PKHD1L1: variants seen among roughly 807,000 people sequenced by gnomAD.
The protein encoded by PKHD1L1 is PKHD1 like 1, also known as fibrocystin-L.
A neutral mutation model predicts 462.9 loss-of-function variants in PKHD1L1; 434 were observed. The observed-to-expected ratio is 0.94, with a 90% CI of 0.87 to 1.02. The LOEUF is 1.02. Among genes scored for constraint, PKHD1L1 ranks in the 50% least tolerant of loss-of-function variants. The pLI is 0.00. For missense variants in PKHD1L1, 5,202 were observed against 5,096.1 expected (o/e 1.02, Z -0.63); for synonymous variants, 1,781 against 1,750.0 (o/e 1.02, Z -0.44).
At position 109,470,504 on chromosome 8, in the gene PKHD1L1, G is replaced by A. The variant is rs897730971; in HGVS notation, c.8605+3735G>A. 4.0e-5 allele frequency: 65 copies of A among 1,610,566 alleles called. No homozygotes were observed. In the Admixed American group the frequency reaches 1.1e-3, roughly 26 times the overall value. ...GAGGAAGCATCACAGCAACTGGCTG[G>A]AAAAGAAAGGGAAAAGAAGCAGGGA... On this transcript the variant is annotated intron_variant, in intron 50 of 77. Coordinates refer to ENST00000378402, the MANE Select transcript of PKHD1L1 (RefSeq NM_177531.6).
At chr8:109,397,288 T>G (rs371371027) in intron 11 of PKHD1L1, among the ~76,000 whole-genome samples, 1 of 152,336 alleles carries the variant, frequency 6.6e-6, no homozygotes, top group East Asian at 1.9e-4. Flanking sequence ...TATGTGTCTT[T>G]CCTTTGCTTC....
chr8:109,427,932 G>A (rs1032542918), intron 25 of PKHD1L1, among the ~76,000 whole-genome samples: 1 of 147,138 alleles, frequency 6.8e-6, no homozygotes, highest in East Asian at 2.0e-4. Flanking sequence ...CAGGAGAATC[G>A]CTTGAACCTG....
At chr8:109,420,812 T>A (rs1264192251) in intron 23 of PKHD1L1, 122 bp downstream of exon 23, 1 of 751,362 alleles carries the variant, frequency 1.3e-6, no homozygotes, top group Non-Finnish European at 1.9e-6. Context: ...TAAGGTTATA[T>A]GAAGATTTGG....
intron 28 of PKHD1L1, among the ~76,000 whole-genome samples, chr8:109,433,816 T>C (rs1815243502): frequency 6.6e-6 from 1 of 152,234 alleles, no homozygotes; most frequent in Non-Finnish European, 1.5e-5. Flanking sequence ...CTGTTGTTTT[T>C]AGTTTAGTTC....
At chr8:109,368,310 A>C (rs1186714347) in intron 2 of PKHD1L1, among the ~76,000 whole-genome samples, 1 of 152,140 alleles carries the variant, frequency 6.6e-6, no homozygotes, top group Non-Finnish European at 1.5e-5. Context: ...AAGCATATGG[A>C]CTTTGGTTCA....
chr8:109,485,908 G>A (rs1381331677), intron 58 of PKHD1L1, among the ~76,000 whole-genome samples: 1 of 151,818 alleles, frequency 6.6e-6, no homozygotes, highest in African/African-American at 2.4e-5. Context: ...AAATCATAAA[G>A]AAAAGTTTTA....
At chr8:109,425,333 A>C in intron 24 of PKHD1L1, 101 bp downstream of exon 24, 1 of 705,934 alleles carries the variant, frequency 1.4e-6, no homozygotes. Context: ...CTACTTATTG[A>C]TACATACAAA....
intron 70 of PKHD1L1, among the ~76,000 whole-genome samples, chr8:109,509,164 A>G (rs535472619): frequency 4.8e-4 from 73 of 151,586 alleles, no homozygotes; most frequent in Non-Finnish European, 9.0e-4. Flanking sequence ...TGATTTTAGG[A>G]CTCTCCTCAC....
At chr8:109,511,880 T>G (rs1448387453) in intron 71 of PKHD1L1, among the ~76,000 whole-genome samples, 1 of 152,148 alleles carries the variant, frequency 6.6e-6, no homozygotes, top group Non-Finnish European at 1.5e-5. Flanking sequence ...TTTTAATGAT[T>G]GCCATTCTAA....
At chr8:109,496,266 A>G (rs1172187108) in intron 63 of PKHD1L1, among the ~76,000 whole-genome samples, 8 of 152,228 alleles carry the variant, frequency 5.3e-5, no homozygotes, top group African/African-American at 1.9e-4. Context: ...TAATAAAAAT[A>G]TCAAGTGAAA....
At chr8:109,454,134 T>C (rs1277700813) in intron 43 of PKHD1L1, 33 bp from the exon 44 acceptor site, 3 of 1,417,322 alleles carry the variant, frequency 2.1e-6, no homozygotes, top group Non-Finnish European at 2.9e-6. Flanking sequence ...AGATTTTTCC[T>C]TGTGATGTAT....
At chr8:109,457,986 A>G (rs759185378) in intron 46 of PKHD1L1, among the ~76,000 whole-genome samples, 15 of 151,702 alleles carry the variant, frequency 9.9e-5, no homozygotes, top group African/African-American at 3.4e-4. Context: ...TCTTCCCTCT[A>G]TCTTTTGGAA....
At chr8:109,369,246 G>A (rs1357157447) in intron 2 of PKHD1L1, among the ~76,000 whole-genome samples, 1 of 152,020 alleles carries the variant, frequency 6.6e-6, no homozygotes. Flanking sequence ...CAAAGTACTG[G>A]GATTACAGGC....
Position 109,477,226 on chromosome 8 carries a change from G to A in PKHD1L1, c.8919G>A (p.Val2973=), listed in dbSNP as rs1818032923. Reference sequence around the variant, plus strand: ...AACCCACTTTTACTTCACTTTCAGTGTCAGGAAGAAATGACCTTCATCAGA... The same window carrying A: ...AACCCACTTTTACTTCACTTTCAGTATCAGGAAGAAATGACCTTCATCAGA... ...EANTSTLYYL[V]SGRNDLHQSQ... The change falls in exon 53 of 78, where the codon GTG becomes GTA. Residue 2973 remains valine, a splice_region_variant and synonymous_variant. Transcript: ENST00000378402. 1 of 1,612,746 alleles carries A rather than the reference G, an allele frequency of 6.2e-7. No individual in the cohort carries two copies. Among genetic ancestry groups the A allele is most frequent in the Non-Finnish European group, 8.5e-7 (1 of 1,179,452 alleles).
intron 23 of PKHD1L1, among the ~76,000 whole-genome samples, chr8:109,421,548 C>T (rs146749198): frequency 1.3e-4 from 20 of 151,842 alleles, no homozygotes; most frequent in African/African-American, 3.1e-4. Flanking sequence ...TTTGGGAGGC[C>T]GAGACGGGCG....
chr8:109,435,240 G>T lies in PKHD1L1; in HGVS notation c.3391G>T (p.Val1131Phe). The stretch of plus-strand genomic sequence containing the variant: ...GAATGGAAGTGCTGGACATGCCCCC[G>T]TTGCTGTGTCCATGGCTGATGTTGG... ...ILNGSAGHAP[V>F]AVSMADVGLA... The change falls in exon 29 of 78, where the codon GTT becomes TTT. Residue 1131 changes from valine (V) to phenylalanine (F), a missense_variant. Physicochemically the swap from Val to Phe is conservative, Grantham distance 50 (BLOSUM62 -1). Coordinates refer to ENST00000378402, the MANE Select transcript of PKHD1L1 (RefSeq NM_177531.6). 6.2e-7 allele frequency: 1 copy of T among 1,613,800 alleles called. No individual in the cohort carries two copies. Among genetic ancestry groups the T allele is most frequent in the Non-Finnish European group, 8.5e-7 (1 of 1,179,772 alleles).
intron 72 of PKHD1L1, 72 bp from the exon 73 acceptor site, chr8:109,518,095 A>G (rs1339270074): frequency 2.1e-6 from 2 of 946,654 alleles, no homozygotes; most frequent in Middle Eastern, 2.2e-4. Flanking sequence ...TCAAACAAAC[A>G]TTAAGTAACG....
Position 109,466,605 on chromosome 8 carries a change from A to ACAGCTCATTG in PKHD1L1, c.8443_8452dup (p.Leu2818GlnfsTer14). On this transcript the variant is annotated frameshift_variant, in exon 50 of 78. Coordinates refer to ENST00000378402, the MANE Select transcript of PKHD1L1 (RefSeq NM_177531.6). LOFTEE classifies it high-confidence loss of function. ...CACAAAGGACATACCGTCATTCCAC[A>ACAGCTCATTG]CAGCTCATTGCTAGACCCTTCTCAT... The ACAGCTCATTG allele has an allele frequency of 6.2e-7, 1 of 1,605,236 alleles. No individual in the cohort carries two copies.
At chr8:109,409,201 A>G (rs1242222033) in intron 18 of PKHD1L1, among the ~76,000 whole-genome samples, 3 of 152,132 alleles carry the variant, frequency 2.0e-5, no homozygotes, top group South Asian at 2.1e-4. Flanking sequence ...ATCTGCAATA[A>G]TTTATTATTT....
Sources: gnomAD v4.1 joint callset for allele counts (sites outside exome capture counted in the v4.1 genomes callset) on GRCh38, gnomAD v4.1.1 for gene constraint, MANE v1.5 for transcripts, NCBI Gene and HGNC (gene_info 2026-07-23, HGNC 2026-07-21) for gene names.